XIRP2: variants seen among roughly 807,000 people sequenced by gnomAD.
XIRP2 encodes the protein xin actin-binding repeat-containing protein 2.
XIRP2 carries 236 observed loss-of-function variants against 277.0 expected under a neutral mutation model. The ratio of observed to expected loss-of-function variants is 0.85; its 90% CI spans 0.77 to 0.95. XIRP2 has a LOEUF of 0.95. Among genes scored for constraint, XIRP2 ranks in the 40% least tolerant of loss-of-function variants. XIRP2 has a pLI of 0.00. For synonymous variants in XIRP2, 1,490 were observed against 1,416.5 expected (o/e 1.05, Z -1.17); for missense variants, 4,640 against 4,157.5 (o/e 1.12, Z -3.19).
chr2:167,221,915 C>T lies in XIRP2; in HGVS notation c.858+3615C>T, dbSNP rs747235566. ...CTGGATTTCTGACAATATTTAATGCCACAATTAGTAATAACTTAATAAGGT... is the reference window on the plus strand; with the variant it reads ...CTGGATTTCTGACAATATTTAATGCTACAATTAGTAATAACTTAATAAGGT... On this transcript the variant is annotated intron_variant, in intron 5 of 10. Transcript: ENST00000409195. Among the ~76,000 whole-genome samples the T allele has an allele frequency of 1.9e-4, 29 of 151,988 alleles. 1 individual carries two copies. Among genetic ancestry groups the T allele is most frequent in the South Asian group, 6.2e-4 (3 of 4,820 alleles).
chr2:166,980,377 T>C (rs1186458269), intron 2 of XIRP2, among the ~76,000 whole-genome samples: 3 of 152,194 alleles, frequency 2.0e-5, no homozygotes, highest in African/African-American at 7.2e-5. Context: ...TCCATTAACA[T>C]TTATTGTAGT....
intron 2 of XIRP2, among the ~76,000 whole-genome samples, chr2:167,125,008 A>G (rs1691159639): frequency 6.6e-6 from 1 of 152,188 alleles, no homozygotes; most frequent in South Asian, 2.1e-4. Context: ...CAGGAAGCCC[A>G]GTTAACTCAG....
intron 2 of XIRP2, among the ~76,000 whole-genome samples, chr2:167,120,583 T>C (rs926013959): frequency 2.6e-5 from 4 of 152,134 alleles, no homozygotes; most frequent in Non-Finnish European, 5.9e-5. Context: ...AGGGAGTATA[T>C]GCTATATCCA....
chr2:167,107,746 C>T (rs890120313), intron 2 of XIRP2, among the ~76,000 whole-genome samples: 2 of 151,608 alleles, frequency 1.3e-5, no homozygotes, highest in African/African-American at 4.8e-5. Context: ...ATACTAGCCT[C>T]ATAAAATGAT....
intron 3 of XIRP2, among the ~76,000 whole-genome samples, chr2:167,191,185 CAAAA>C (rs931552422): frequency 4.3e-5 from 2 of 46,888 alleles, no homozygotes; most frequent in African/African-American, 7.1e-5. Context: ...GACCCTGTCT[CAAAA>C]AAAAAAAAAA....
chr2:167,029,826 G>C (rs1250266660), intron 2 of XIRP2, among the ~76,000 whole-genome samples: 1 of 152,000 alleles, frequency 6.6e-6, no homozygotes, highest in South Asian at 2.1e-4. Context: ...CTGTGAATCT[G>C]TCTGGTCCTG....
intron 2 of XIRP2, among the ~76,000 whole-genome samples, chr2:167,062,098 T>G (rs1483540326): frequency 6.6e-6 from 1 of 152,204 alleles, no homozygotes; most frequent in Non-Finnish European, 1.5e-5. Flanking sequence ...TATTTTTATC[T>G]TATAGTCTGG....
At chr2:167,045,736 T>C (rs915390203) in intron 2 of XIRP2, among the ~76,000 whole-genome samples, 9 of 151,708 alleles carry the variant, frequency 5.9e-5, no homozygotes, top group Non-Finnish European at 1.3e-4. Flanking sequence ...ACAAAATACA[T>C]GTCGGCAAGG....
intron 3 of XIRP2, among the ~76,000 whole-genome samples, chr2:167,151,164 A>G (rs1041987446): frequency 6.6e-6 from 1 of 152,104 alleles, no homozygotes; most frequent in African/African-American, 2.4e-5. Flanking sequence ...AGCAATCTGT[A>G]TTGGGTCCCA....
rs377353913 is a variant in XIRP2, at chr2:167,074,272, TTTAA to T, written c.409-61631_409-61628del. Among the ~76,000 whole-genome samples, 103 of 152,278 alleles carry T rather than the reference TTTAA, an allele frequency of 6.8e-4. 4 individuals are homozygous for T. In the South Asian group the frequency reaches 0.021, roughly 32 times the overall value. On this transcript the variant is annotated intron_variant, in intron 2 of 10. Transcript: ENST00000409195. ...GTATATATGTATACATATACATATATTTAATTAATGCTAATTATTATTGTGTCTA... is the reference window on the plus strand; with the variant it reads ...GTATATATGTATACATATACATATATTTAATGCTAATTATTATTGTGTCTA...
chr2:167,035,340 T>G (rs555124871), intron 2 of XIRP2, among the ~76,000 whole-genome samples: 27 of 152,282 alleles, frequency 1.8e-4, no homozygotes, highest in African/African-American at 6.0e-4. Flanking sequence ...ATGCCTTTGT[T>G]GAAAATGCTG....
chr2:167,011,220 G>C (rs1451110182), intron 2 of XIRP2, among the ~76,000 whole-genome samples: 1 of 151,224 alleles, frequency 6.6e-6, no homozygotes, highest in Non-Finnish European at 1.5e-5. Context: ...GTCATAGATA[G>C]CTCTTATTAT....
chr2:167,026,553 T>A (rs1007761302), intron 2 of XIRP2, among the ~76,000 whole-genome samples: 1 of 152,190 alleles, frequency 6.6e-6, no homozygotes, highest in African/African-American at 2.4e-5. Context: ...CTAGCCTAGA[T>A]GGTCTTTACA....
At chr2:167,171,789 A>G (rs1417493559) in intron 3 of XIRP2, among the ~76,000 whole-genome samples, 1 of 152,150 alleles carries the variant, frequency 6.6e-6, no homozygotes, top group Non-Finnish European at 1.5e-5. Flanking sequence ...GGTCCTTTTT[A>G]ATCACTGTGG....
intron 2 of XIRP2, among the ~76,000 whole-genome samples, chr2:166,920,500 T>A (rs1031421490): frequency 2.6e-5 from 4 of 152,288 alleles, no homozygotes; most frequent in Non-Finnish European, 5.9e-5. Context: ...AACTACCACA[T>A]ACTCTTATTC....
chr2:167,148,014 TA>T lies in XIRP2; in HGVS notation c.562+11958del, dbSNP rs879911265. On this transcript the variant is annotated intron_variant, in intron 3 of 10. Transcript: ENST00000409195. ...CATTAAAGTTTTAGGAGTAAAAAAT[TA>T]AAAAATACAAATAGAGTGATAAATT... Among the ~76,000 whole-genome samples the T allele has an allele frequency of 1.6e-4, 25 of 151,970 alleles. 1 individual carries two copies. The highest frequency in any genetic ancestry group is 3.4e-4 in the Non-Finnish European group (23 of 68,000).
At chr2:167,104,107 T>C (rs1690553927) in intron 2 of XIRP2, among the ~76,000 whole-genome samples, 1 of 151,300 alleles carries the variant, frequency 6.6e-6, no homozygotes, top group Non-Finnish European at 1.5e-5. Context: ...TGAGGTAATG[T>C]TCTTCTATGA....
chr2:167,255,368 A>G (rs1695627751), intron 10 of XIRP2, among the ~76,000 whole-genome samples: 1 of 151,788 alleles, frequency 6.6e-6, no homozygotes, highest in Non-Finnish European at 1.5e-5. Flanking sequence ...TTTAACTTAC[A>G]GTCTTTATGC....
At chr2:167,065,753 A>G (rs999334771) in intron 2 of XIRP2, among the ~76,000 whole-genome samples, 16 of 151,762 alleles carry the variant, frequency 1.1e-4, no homozygotes, top group African/African-American at 3.9e-4. Flanking sequence ...TTTCTGTAGC[A>G]ATTTTTGTCA....
Sources: gnomAD v4.1 joint callset for allele counts (sites outside exome capture counted in the v4.1 genomes callset) on GRCh38, gnomAD v4.1.1 for gene constraint, MANE v1.5 for transcripts, NCBI Gene and HGNC (gene_info 2026-07-23, HGNC 2026-07-21) for gene names.